Variants in CDH22 observed in about 807,000 individuals in gnomAD.
CDH22 encodes the protein cadherin-22.
CDH22 carries 30 observed loss-of-function variants against 58.4 expected under a neutral mutation model. The observed-to-expected ratio is 0.51, with a 90% CI of 0.38 to 0.70. CDH22 has a LOEUF of 0.70. Ranked by LOEUF, CDH22 falls within the 30% of genes least tolerant of loss-of-function variation. The pLI, the probability that CDH22 is intolerant of heterozygous loss-of-function variation, is 0.00. For missense variants in CDH22, 1,014 were observed against 1,233.9 expected (o/e 0.82, Z 2.67); for synonymous variants, 513 against 558.2 (o/e 0.92, Z 1.14).
At chr20:46,223,629 TTTTCTTTCTTTC>T (rs74176856) in intron 4 of CDH22, among the ~76,000 whole-genome samples, 1 of 145,332 alleles carries the variant, frequency 6.9e-6, no homozygotes, top group Non-Finnish European at 1.5e-5. Flanking sequence ...TTTCTTTCTT[TTTTCTTTCTTTC>T]TTTCTTTCTC....
At chr20:46,217,107 G>A (rs2086091648) in intron 4 of CDH22, 114 bp from the exon 5 acceptor site, 13 of 1,010,646 alleles carry the variant, frequency 1.3e-5, no homozygotes, top group Non-Finnish European at 1.7e-5. Flanking sequence ...TTAAGCTCAG[G>A]AGGAGAGTGG....
chr20:46,178,173 T>C lies in CDH22; in HGVS notation c.1688A>G (p.Gln563Arg). The C allele has an allele frequency of 6.2e-7, 1 of 1,613,932 alleles. No individual in the cohort carries two copies. The highest frequency in any genetic ancestry group is 8.5e-7 in the Non-Finnish European group (1 of 1,179,952). Residue 563 changes from glutamine (Q) to arginine (R), a missense_variant, in exon 11 of 12, where the codon CAG becomes CGG. Physicochemically the swap from Gln to Arg is conservative, Grantham distance 43 (BLOSUM62 1). This residue lies in a region of CDH22 where 806 missense variants were observed against 1,038.7 expected (regional missense o/e 0.78). Coordinates refer to ENST00000537909, the MANE Select transcript of CDH22 (RefSeq NM_021248.3). ...IQDNTAAVHT[Q>R]HVGFNRQEQD... Reference sequence around the variant, plus strand: ...CTCCTGCCGGTTGAAGCCCACGTGCTGCGTGTGCACTGCAGCGGTGTTGTC... The same window carrying C: ...CTCCTGCCGGTTGAAGCCCACGTGCCGCGTGTGCACTGCAGCGGTGTTGTC...
chr20:46,255,835 C>T (rs1329734840), intron 1 of CDH22, among the ~76,000 whole-genome samples: 1 of 152,352 alleles, frequency 6.6e-6, no homozygotes, highest in Non-Finnish European at 1.5e-5. Flanking sequence ...CCTGCAGCTG[C>T]ATTCAGCTCT....
rs2086378532 is a variant in CDH22, at chr20:46,251,756, A to C, written c.-399-63T>G. 1 of 153,804 alleles carries C rather than the reference A, an allele frequency of 6.5e-6. No individual in the cohort carries two copies. The highest frequency in any genetic ancestry group is 6.5e-5 in the Admixed American group (1 of 15,314). The allele number at this position is 153,804 out of a possible 1,614,324, so 9.5% of individuals were successfully genotyped here. On this transcript the variant is annotated intron_variant, in intron 1 of 11. Transcript: ENST00000537909. This position sits in a 1 kb window ranked among gnomAD's most constrained non-coding sequence, Gnocchi z 6.7. The stretch of plus-strand genomic sequence containing the variant: ...TGTAGGGGGAGGGCAAGTTGAGTCT[A>C]TCTTTCCTCTTGTAGGTACTAATTA...
At chr20:46,180,252 C>G (rs974181538) in intron 10 of CDH22, among the ~76,000 whole-genome samples, 1 of 152,200 alleles carries the variant, frequency 6.6e-6, no homozygotes, top group African/African-American at 2.4e-5. Context: ...CCACCCTGTC[C>G]CCGGAGCTTA....
chr20:46,259,649 G>A (rs1415106874), intron 1 of CDH22, among the ~76,000 whole-genome samples: 2 of 152,202 alleles, frequency 1.3e-5, no homozygotes, highest in African/African-American at 2.4e-5. Flanking sequence ...GAGTAACCAT[G>A]GAGGGCTGCC....
In CDH22 at chr20:46,178,136, G is replaced by GA; in HGVS notation, c.1724dup (p.Phe576LeufsTer86). On this transcript the variant is annotated frameshift_variant, in exon 11 of 12. Transcript: ENST00000537909. LOFTEE classifies it high-confidence loss of function. Reference sequence around the variant, plus strand: ...TGTCTACCACCAGGATGGGCAGGAAGAACACGTCCTGCTCCTGCCGGTTGA... The same window carrying GA: ...TGTCTACCACCAGGATGGGCAGGAAGAAACACGTCCTGCTCCTGCCGGTTGA... 6.2e-7 allele frequency: 1 copy of GA among 1,614,068 alleles called. No individual in the cohort carries two copies. The highest frequency in any genetic ancestry group is 8.5e-7 in the Non-Finnish European group (1 of 1,179,970).
chr20:46,201,246 G>T (rs1600694075), intron 7 of CDH22, among the ~76,000 whole-genome samples: 1 of 152,334 alleles, frequency 6.6e-6, no homozygotes, highest in Non-Finnish European at 1.5e-5. Context: ...GGGCCCCTGC[G>T]CAGCCACCCG....
Position 46,230,266 on chromosome 20 carries a change from T to C in CDH22, c.551-2639A>G, listed in dbSNP as rs1461546567. On this transcript the variant is annotated intron_variant, in intron 3 of 11. Coordinates refer to ENST00000537909, the MANE Select transcript of CDH22 (RefSeq NM_021248.3). ...TCCTGCAGACTTCACACCAGCTCTG[T>C]GATATAGACGCAGTGGTTTGTTGGT... is the stretch of plus-strand genomic sequence containing the variant. Among the ~76,000 whole-genome samples, 3 of 152,282 alleles carry C rather than the reference T, an allele frequency of 2.0e-5. No individual in the cohort carries two copies. In the East Asian group the frequency reaches 5.8e-4, roughly 29 times the overall value.
rs1338914414 is a variant in CDH22, at chr20:46,186,962, C to T, written c.1424-15G>A. On this transcript the variant is annotated splice_polypyrimidine_tract_variant and intron_variant, in intron 8 of 11. Coordinates refer to ENST00000537909, the MANE Select transcript of CDH22 (RefSeq NM_021248.3). The stretch of plus-strand genomic sequence containing the variant: ...TGCATGATTGTCTGTAATGAGAGCA[C>T]AGGAGCAAGGGGAGAGGCATCAAGT... 1.3e-6 allele frequency: 2 copies of T among 1,564,912 alleles called. No individual in the cohort carries two copies. Among genetic ancestry groups the T allele is most frequent in the Non-Finnish European group, 1.7e-6 (2 of 1,153,898 alleles).
Position 46,216,786 on chromosome 20 carries a change from GAC to G in CDH22, c.838+38_838+39del. Reference sequence around the variant, plus strand: ...GGTGGCTTGGATGGGGTAACAGACAGACACACAGACGCGCCTTCCTCTGGGAA... The same window carrying G: ...GGTGGCTTGGATGGGGTAACAGACAGACACAGACGCGCCTTCCTCTGGGAA... On this transcript the variant is annotated intron_variant, in intron 5 of 11. Transcript: ENST00000537909. The surrounding 1 kb of genome is among the most constrained non-coding windows in gnomAD (Gnocchi z 5.3). The G allele has an allele frequency of 6.4e-7, 1 of 1,571,948 alleles. No homozygotes were observed. Among genetic ancestry groups the G allele is most frequent in the Non-Finnish European group, 8.7e-7 (1 of 1,146,472 alleles).
At chr20:46,258,052 C>T (rs2086415063) in intron 1 of CDH22, among the ~76,000 whole-genome samples, 1 of 152,120 alleles carries the variant, frequency 6.6e-6, no homozygotes. Context: ...TAATGTTCCC[C>T]CAGTTTGGAT....
intron 1 of CDH22, among the ~76,000 whole-genome samples, chr20:46,290,628 C>A (rs2086597044): frequency 6.6e-6 from 1 of 152,184 alleles, no homozygotes; most frequent in South Asian, 2.1e-4. Flanking sequence ...GTGTCCCCCT[C>A]CTCCTGGATG....
chr20:46,238,629 T>C (rs1665875830), intron 3 of CDH22, among the ~76,000 whole-genome samples: 1 of 152,216 alleles, frequency 6.6e-6, no homozygotes, highest in South Asian at 2.1e-4. Context: ...ATTTAATTGC[T>C]CAGGTTACAA....
At chr20:46,242,186 G>A (rs1196756699) in intron 2 of CDH22, among the ~76,000 whole-genome samples, 1 of 152,168 alleles carries the variant, frequency 6.6e-6, no homozygotes, top group Non-Finnish European at 1.5e-5. Context: ...TGCTAGAGTA[G>A]GTTTTTCTAT....
chr20:46,186,499 G>T, intron 10 of CDH22, 89 bp downstream of exon 10: 1 of 917,804 alleles, frequency 1.1e-6, no homozygotes, highest in Non-Finnish European at 1.7e-6. Context: ...TAGGCCCTGT[G>T]GGCGCCTCCG....
intron 10 of CDH22, among the ~76,000 whole-genome samples, chr20:46,184,947 G>A (rs568497545): frequency 2.6e-5 from 4 of 152,180 alleles, no homozygotes; most frequent in Admixed American, 6.5e-5. Context: ...TTAGCCTGGC[G>A]TGGTGGTGCG....
chr20:46,242,186 G>T (rs1196756699), intron 2 of CDH22, among the ~76,000 whole-genome samples: 1 of 152,168 alleles, frequency 6.6e-6, no homozygotes, highest in Non-Finnish European at 1.5e-5. Context: ...TGCTAGAGTA[G>T]GTTTTTCTAT....
At chr20:46,244,149 A>T (rs1248278746) in intron 2 of CDH22, among the ~76,000 whole-genome samples, 1 of 152,152 alleles carries the variant, frequency 6.6e-6, no homozygotes, top group Non-Finnish European at 1.5e-5. Flanking sequence ...GGTCTCCATC[A>T]TGTCCCTGCA....
Sources: allele counts gnomAD v4.1 joint callset (sites outside exome capture counted in the v4.1 genomes callset), GRCh38; gene constraint gnomAD v4.1.1; regional missense constraint gnomAD v4.1.1; non-coding constraint Gnocchi (gnomAD v3.1); transcripts MANE v1.5; gene names NCBI Gene and HGNC (gene_info 2026-07-23, HGNC 2026-07-21).